Variants in OPTN observed in about 807,000 individuals in gnomAD.
OPTN encodes optineurin.
In OPTN, 54 loss-of-function variants were observed where a neutral mutation model predicts 70.4. The observed-to-expected ratio is 0.77, with a 90% CI of 0.62 to 0.96. The LOEUF is 0.96. OPTN is among the 40% of genes least tolerant of loss of function. The pLI is 0.00. For missense variants in OPTN, 624 were observed against 673.2 expected, an observed-to-expected ratio of 0.93 and a Z score of 0.81; for synonymous variants, 256 against 248.5, an observed-to-expected ratio of 1.03 and a Z score of -0.28.
At chr10:13,127,027 A>T (rs1048613232) in intron 11 of OPTN, among the ~76,000 whole-genome samples, 3 of 152,210 alleles carry the variant, frequency 2.0e-5, no homozygotes, top group Non-Finnish European at 4.4e-5. Flanking sequence ...GTCTCTAAAA[A>T]AAGAAAACAA....
chr10:13,125,021 T>A (rs548670897), intron 9 of OPTN, among the ~76,000 whole-genome samples: 1 of 152,358 alleles, frequency 6.6e-6, no homozygotes, highest in Non-Finnish European at 1.5e-5. Context: ...TGAATCTTTG[T>A]CAGAAACTAA....
chr10:13,119,000 G>A lies in OPTN; in HGVS notation c.739G>A (p.Val247Met). ...LLCLREGNQK[V>M]ERLEVALKEA... Reference sequence around the variant, plus strand: ...GTGCCTAAGGGAAGGGAATCAGAAGGTGGAGAGACTTGAAGTTGCACTCAA... The same window carrying A: ...GTGCCTAAGGGAAGGGAATCAGAAGATGGAGAGACTTGAAGTTGCACTCAA... The change falls in exon 7 of 15, where the codon GTG becomes ATG. Residue 247 changes from valine (V) to methionine (M), a missense_variant. Transcript: ENST00000378747. The A allele has an allele frequency of 6.2e-7, 1 of 1,614,092 alleles. No individual in the cohort carries two copies. Among genetic ancestry groups the A allele is most frequent in the Non-Finnish European group, 8.5e-7 (1 of 1,180,000 alleles).
At chr10:13,129,356 C>CTTTT (rs780049166) in intron 12 of OPTN, among the ~76,000 whole-genome samples, 1 of 142,340 alleles carries the variant, frequency 7.0e-6, no homozygotes, top group African/African-American at 2.6e-5. Flanking sequence ...AAGCATCAAA[C>CTTTT]TTTTTTTTTT....
In OPTN at chr10:13,112,605, AG is replaced by A. The variant is rs771268520; in HGVS notation, c.523del (p.Glu175LysfsTer18). 2 of 1,614,194 alleles carry A rather than the reference AG, an allele frequency of 1.2e-6. No homozygotes were observed. Among genetic ancestry groups the A allele is most frequent in the Non-Finnish European group, 1.7e-6 (2 of 1,180,030 alleles). On this transcript the variant is annotated frameshift_variant, in exon 5 of 15. Transcript: ENST00000378747. LOFTEE classifies it high-confidence loss of function. The stretch of plus-strand genomic sequence containing the variant: ...TCAAGCTGAACTCCAGCGGCTCCTC[AG>A]AAGATTCCTTTGTTGAAATTAGGAT... ...QLKLNSSGSS[E>X]DSFVEIRMAE... is the part of the protein sequence containing the mutation.
At chr10:13,117,257 T>C (rs1219910413) in intron 6 of OPTN, among the ~76,000 whole-genome samples, 1 of 151,246 alleles carries the variant, frequency 6.6e-6, no homozygotes, top group Non-Finnish European at 1.5e-5. Context: ...ATTTTTTGTA[T>C]TTTTAGTAGA....
chr10:13,114,500 C>G (rs2131492428), intron 5 of OPTN, among the ~76,000 whole-genome samples: 1 of 151,796 alleles, frequency 6.6e-6, no homozygotes, highest in South Asian at 2.1e-4. Context: ...TGGTTAGCAT[C>G]TCATTCTCCC....
At position 13,136,836 on chromosome 10, in the gene OPTN, A is replaced by G. The variant is rs1588456364; in HGVS notation, c.1704A>G (p.Leu568=). The change falls in exon 15 of 15, where the codon TTA becomes TTG. Residue 568 remains leucine, a synonymous_variant. Coordinates refer to ENST00000378747, the MANE Select transcript of OPTN (RefSeq NM_001008212.2). The part of the protein sequence containing the change: ...CGEVLPDIDT[L]QIHVMDCII ...AGGTTCTGCCTGACATAGACACGTT[A>G]CAGATTCACGTGATGGATTGCATCA... 1.9e-6 allele frequency: 3 copies of G among 1,614,210 alleles called. No homozygotes were observed. The East Asian group carries it at 6.7e-5, about 36-fold the overall frequency.
chr10:13,106,554 C>G (rs1832868888), intron 1 of OPTN, among the ~76,000 whole-genome samples: 1 of 152,110 alleles, frequency 6.6e-6, no homozygotes, highest in Non-Finnish European at 1.5e-5. Flanking sequence ...TGAGAATGCC[C>G]CTCTTGGTAC....
At chr10:13,108,923 C>A in intron 2 of OPTN, 189 bp from the exon 3 acceptor site, 4 of 643,262 alleles carry the variant, frequency 6.2e-6, no homozygotes, top group South Asian at 1.7e-5. Context: ...CACACACACA[C>A]ACTTTTCTGA....
At chr10:13,127,180 C>T (rs1328003895) in intron 11 of OPTN, among the ~76,000 whole-genome samples, 1 of 152,052 alleles carries the variant, frequency 6.6e-6, no homozygotes, top group African/African-American at 2.4e-5. Flanking sequence ...GGAGGTTTTG[C>T]CATGTTGCCC....
chr10:13,111,591 G>A (rs1251608640), intron 4 of OPTN, among the ~76,000 whole-genome samples: 1 of 151,912 alleles, frequency 6.6e-6, no homozygotes, highest in East Asian at 1.9e-4. Context: ...CCAGCTACTT[G>A]GGAGGCTAAG....
intron 1 of OPTN, among the ~76,000 whole-genome samples, chr10:13,107,272 G>A (rs1832885226): frequency 6.6e-6 from 1 of 151,646 alleles, no homozygotes; most frequent in African/African-American, 2.4e-5. Flanking sequence ...CTACTTGGGA[G>A]GCTGAGTCAG....
intron 2 of OPTN, among the ~76,000 whole-genome samples, chr10:13,108,507 C>A (rs111998961): frequency 0.044 from 6,595 of 151,164 alleles, 461 homozygotes; most frequent in African/African-American, 0.15. Flanking sequence ...GTCATACCCT[C>A]GTCTCCCTCC....
At chr10:13,108,981 A>G (rs1832932520) in intron 2 of OPTN, 131 bp from the exon 3 acceptor site, 1 of 826,268 alleles carries the variant, frequency 1.2e-6, no homozygotes, top group Non-Finnish European at 2.1e-6. Flanking sequence ...AAAATGTCCA[A>G]AATGTAACTG....
In OPTN at chr10:13,129,840, G is replaced by T. The variant is rs115860912; in HGVS notation, c.1401+1937G>T. 3.0e-3 allele frequency among the ~76,000 whole-genome samples: 455 copies of T among 152,308 alleles called. 4 individuals carry two copies. The highest frequency in any genetic ancestry group is 0.01 in the African/African-American group (419 of 41,566). ...TTTAATATAATAATGTCAGCAGTTT[G>T]TTATTCCCTACATACAGACTCATTA... On this transcript the variant is annotated intron_variant, in intron 12 of 14. Transcript: ENST00000378747.
intron 1 of OPTN, among the ~76,000 whole-genome samples, chr10:13,105,928 T>C (rs921369507): frequency 6.6e-6 from 1 of 151,674 alleles, no homozygotes; most frequent in Middle Eastern, 3.2e-3. Context: ...AAAAAGTTCA[T>C]TGAGGAAAAA....
rs780429803 is a variant in OPTN, at chr10:13,125,994, A to G, written c.1197A>G (p.Glu399=). 1 of 1,613,010 alleles carries G rather than the reference A, an allele frequency of 6.2e-7. No individual in the cohort carries two copies. The highest frequency in any genetic ancestry group is 8.5e-7 in the Non-Finnish European group (1 of 1,179,136). ...TGACACACAACAAGCTTCTTCAAGA[A>G]CATAATAATGCATTGAAAACAATTG... ...LQMTHNKLLQ[E]HNNALKTIEE... The change falls in exon 11 of 15, where the codon GAA becomes GAG. Residue 399 remains glutamate, a synonymous_variant. Coordinates refer to ENST00000378747, the MANE Select transcript of OPTN (RefSeq NM_001008212.2).
At chr10:13,133,452 G>T (rs745547861) in intron 13 of OPTN, 50 bp from the exon 14 acceptor site, 4 of 1,504,022 alleles carry the variant, frequency 2.7e-6, no homozygotes, top group Non-Finnish European at 3.7e-6. Context: ...GTGTTGTCAT[G>T]TTTCGGGGTT....
chr10:13,110,502 T>A (rs1175532404), intron 4 of OPTN, 26 bp downstream of exon 4: 2 of 1,504,260 alleles, frequency 1.3e-6, no homozygotes, highest in South Asian at 2.4e-5. Context: ...CATTGTGATG[T>A]TGTTTTTTTT....
Sources: gnomAD v4.1 joint callset for allele counts (sites outside exome capture counted in the v4.1 genomes callset) on GRCh38, gnomAD v4.1.1 for gene constraint, MANE v1.5 for transcripts, NCBI Gene and HGNC (gene_info 2026-07-23, HGNC 2026-07-21) for gene names.